Variants in SLC24A2 observed in about 807,000 individuals in gnomAD.
SLC24A2 encodes sodium/potassium/calcium exchanger 2.
Under a neutral mutation model 62.0 loss-of-function variants are expected in SLC24A2, and 36 were observed. That is an observed-to-expected ratio of 0.58 (90% confidence interval 0.44 to 0.77). The LOEUF (loss-of-function observed/expected upper bound fraction) is 0.77. Ranked by LOEUF, SLC24A2 falls within the 30% of genes least tolerant of loss-of-function variation. SLC24A2 has a pLI of 0.00. For synonymous variants in SLC24A2, 358 were observed against 294.0 expected, an observed-to-expected ratio of 1.22 and a Z score of -2.23; for missense variants, 846 against 817.9, an observed-to-expected ratio of 1.03 and a Z score of -0.42.
Position 19,510,338 on chromosome 9 carries a change from A to G in SLC24A2, c.*5815T>C, listed in dbSNP as rs973484236. On this transcript the variant is annotated 3_prime_UTR_variant, in exon 11 of 11. Coordinates refer to ENST00000341998, the MANE Select transcript of SLC24A2 (RefSeq NM_020344.4). ...GTTAAAGACTCAAATAAAAATCTAA[A>G]GATAATTTTAATTGAAAATAGGTAA... The G allele has an allele frequency of 2.0e-5, 3 of 151,948 alleles. No individual in the cohort carries two copies. Among genetic ancestry groups the G allele is most frequent in the Non-Finnish European group, 4.4e-5 (3 of 68,006 alleles). The allele number at this position is 151,948 out of a possible 1,614,324, so 9.4% of individuals were successfully genotyped here. A position where few individuals can be genotyped will look rare whatever the true frequency, so the allele number is the denominator to read the frequency against.
chr9:20,136,899 A>C, the SLC24A2 span, among the ~76,000 whole-genome samples: 1 of 152,156 alleles, frequency 6.6e-6, no homozygotes, highest in East Asian at 1.9e-4. Context: ...CCTTCTCACA[A>C]GGACTTTACG....
the SLC24A2 span, among the ~76,000 whole-genome samples, chr9:19,954,910 T>A: frequency 1.3e-5 from 2 of 152,164 alleles, no homozygotes; most frequent in Non-Finnish European, 2.9e-5. Context: ...AACTGACATC[T>A]AAGGAACTTA....
intron 7 of SLC24A2, among the ~76,000 whole-genome samples, chr9:19,571,370 CAG>C (rs1375665609): frequency 6.6e-6 from 1 of 152,058 alleles, no homozygotes; most frequent in Admixed American, 6.6e-5. Flanking sequence ...TAATTTCTAT[CAG>C]AGAATAAGGG....
the SLC24A2 span, among the ~76,000 whole-genome samples, chr9:20,146,467 C>G: frequency 6.6e-6 from 1 of 152,010 alleles, no homozygotes; most frequent in Non-Finnish European, 1.5e-5. Context: ...TTATTCTGAT[C>G]CTGATTCTAT....
the SLC24A2 span, among the ~76,000 whole-genome samples, chr9:20,207,870 C>T: frequency 8.5e-4 from 130 of 152,262 alleles, no homozygotes; most frequent in African/African-American, 3.1e-3. Context: ...AATAAACAAG[C>T]TACATGCACA....
At chr9:19,849,560 T>C in the SLC24A2 span, among the ~76,000 whole-genome samples, 1 of 152,244 alleles carries the variant, frequency 6.6e-6, no homozygotes, top group South Asian at 2.1e-4. Flanking sequence ...TAAAGCACAC[T>C]GGGGAAAGAA....
intron 2 of SLC24A2, among the ~76,000 whole-genome samples, chr9:19,765,882 G>C (rs1822499476): frequency 1.3e-5 from 2 of 152,204 alleles, no homozygotes; most frequent in African/African-American, 4.8e-5. Context: ...ATAATATCCT[G>C]AAGTGTGTTT....
chr9:20,011,545 T>C, the SLC24A2 span, among the ~76,000 whole-genome samples: 7 of 152,006 alleles, frequency 4.6e-5, no homozygotes. Context: ...AAAGAACAAA[T>C]AAGGCCTACA....
the SLC24A2 span, among the ~76,000 whole-genome samples, chr9:20,176,903 A>G: frequency 2.0e-4 from 13 of 66,282 alleles, no homozygotes; most frequent in Non-Finnish European, 3.4e-4. Context: ...ACAGTTATCT[A>G]AAGTGTGAGG....
the SLC24A2 span, among the ~76,000 whole-genome samples, chr9:19,992,052 T>A: frequency 6.6e-6 from 1 of 152,212 alleles, no homozygotes; most frequent in Non-Finnish European, 1.5e-5. Flanking sequence ...CAGCATGTCT[T>A]ATTCTGTCCT....
At chr9:19,611,568 T>G (rs2132936173) in intron 4 of SLC24A2, among the ~76,000 whole-genome samples, 1 of 151,880 alleles carries the variant, frequency 6.6e-6, no homozygotes, top group African/African-American at 2.4e-5. Context: ...GGTGAGATGG[T>G]TTTGAGCAGA....
At chr9:19,706,667 C>G (rs545963929) in intron 2 of SLC24A2, among the ~76,000 whole-genome samples, 2 of 152,090 alleles carry the variant, frequency 1.3e-5, no homozygotes, top group African/African-American at 4.8e-5. Flanking sequence ...CGTGAGCCAC[C>G]GCGCCCGGCC....
intron 2 of SLC24A2, among the ~76,000 whole-genome samples, chr9:19,728,839 TTTTA>T (rs1821250764): frequency 6.6e-6 from 1 of 152,182 alleles, no homozygotes; most frequent in Admixed American, 6.5e-5. Context: ...AAATTGTCAT[TTTTA>T]TTTGTTTGCA....
At chr9:20,276,503 G>C in the SLC24A2 span, among the ~76,000 whole-genome samples, 9 of 152,346 alleles carry the variant, frequency 5.9e-5, no homozygotes, top group African/African-American at 1.7e-4. Flanking sequence ...CTGGCATTGA[G>C]TGTCTGTGGC....
At chr9:19,572,434 G>C (rs1193005861) in intron 7 of SLC24A2, among the ~76,000 whole-genome samples, 1 of 152,040 alleles carries the variant, frequency 6.6e-6, no homozygotes, top group Admixed American at 6.6e-5. Flanking sequence ...GATTGAATCT[G>C]GGGGGCAGAT....
rs1390433234 is a variant in SLC24A2, at chr9:19,573,529, C to CACACAG, written c.1229-61_1229-60insCTGTGT. The CACACAG allele has an allele frequency of 1.4e-3, 593 of 429,856 alleles. 5 individuals carry two copies. Among genetic ancestry groups the CACACAG allele is most frequent in the East Asian group, 0.012 (177 of 14,544 alleles). The allele number at this position is 429,856 out of a possible 1,614,324, so 26.6% of individuals were successfully genotyped here. ...ACACACACACACACACACACACACA[C>CACACAG]AGAGAGAGAGAGAGAGAGAGAGAGA... On this transcript the variant is annotated intron_variant, in intron 6 of 10. Coordinates refer to ENST00000341998, the MANE Select transcript of SLC24A2 (RefSeq NM_020344.4).
chr9:20,259,440 CA>C, the SLC24A2 span, among the ~76,000 whole-genome samples: 2 of 150,610 alleles, frequency 1.3e-5, no homozygotes, highest in African/African-American at 4.9e-5. Flanking sequence ...TTTTATTAAC[CA>C]AAAAAAAATT....
chr9:20,060,949 G>A, the SLC24A2 span, among the ~76,000 whole-genome samples: 1 of 152,030 alleles, frequency 6.6e-6, no homozygotes, highest in African/African-American at 2.4e-5. Flanking sequence ...AAATGAAACA[G>A]AGTAAGATAC....
intron 2 of SLC24A2, among the ~76,000 whole-genome samples, chr9:19,741,005 T>C (rs754977767): frequency 2.0e-5 from 3 of 152,102 alleles, no homozygotes; most frequent in Non-Finnish European, 4.4e-5. Flanking sequence ...ACATACACTG[T>C]GGAAATGGAA....
Sources: gnomAD v4.1 joint callset for allele counts (sites outside exome capture counted in the v4.1 genomes callset) on GRCh38, gnomAD v4.1.1 for gene constraint, MANE v1.5 for transcripts, NCBI Gene and HGNC (gene_info 2026-07-23, HGNC 2026-07-21) for gene names.